Variants in EXTL1 observed in about 807,000 individuals in gnomAD.
EXTL1 encodes exostosin-like 1.
In EXTL1, 43 loss-of-function variants were observed where a neutral mutation model predicts 64.6. The ratio of observed to expected loss-of-function variants is 0.67; its 90% confidence interval spans 0.52 to 0.86. The LOEUF is 0.86. EXTL1 is among the 40% of genes least tolerant of loss of function. EXTL1 has a pLI of 0.00. For synonymous variants in EXTL1, 352 were observed against 360.5 expected (o/e 0.98, Z 0.27); for missense variants, 766 against 879.0 (o/e 0.87, Z 1.62).
At chr1:26,029,728 C>G (rs948579998) in intron 3 of EXTL1, 21 bp downstream of exon 3, 3 of 1,535,270 alleles carry the variant, frequency 2.0e-6, no homozygotes, top group Non-Finnish European at 2.7e-6. Context: ...GCCCTGCCCA[C>G]AGGGTGGGAA....
At position 26,033,679 on chromosome 1, in the gene EXTL1, C is replaced by A; in HGVS notation, c.1519-17C>A. 3 of 1,612,342 alleles carry A rather than the reference C, an allele frequency of 1.9e-6. No homozygotes were observed. The highest frequency in any genetic ancestry group is 2.5e-6 in the Non-Finnish European group (3 of 1,178,974). On this transcript the variant is annotated splice_polypyrimidine_tract_variant and intron_variant, in intron 8 of 10. Coordinates refer to ENST00000374280, the MANE Select transcript of EXTL1 (RefSeq NM_004455.3). This position sits in a 1 kb window ranked among gnomAD's most constrained non-coding sequence, Gnocchi z 5.1. The stretch of plus-strand genomic sequence containing the variant: ...TTAGGAGGTCCTTCCTCACAGCTCA[C>A]TTGAGTCCCTCCCCAGGTGGACTTT...
At position 26,035,319 on chromosome 1, in the gene EXTL1, AG is replaced by A. The variant is rs1362991604; in HGVS notation, c.2004del (p.Lys669SerfsTer94). ...AAGGACCCGGTGTCCGTGCAGCGCA[AG>A]AAGTACCGCAGCCTGGAGAAGCCCT... Reference protein sequence around the residue: ...LFKDPVSVQRKKYRSLEKP With the variant: ...LFKDPVSVQRXKYRSLEKP On this transcript the variant is annotated frameshift_variant, in exon 11 of 11. Coordinates refer to ENST00000374280, the MANE Select transcript of EXTL1 (RefSeq NM_004455.3). LOFTEE classifies it high-confidence loss of function. The surrounding 1 kb of genome is among the most constrained non-coding windows in gnomAD (Gnocchi z 5.3). 6.2e-7 allele frequency: 1 copy of A among 1,611,894 alleles called. No individual in the cohort carries two copies. Among genetic ancestry groups the A allele is most frequent in the African/African-American group, 1.3e-5 (1 of 75,000 alleles).
chr1:26,025,926 C>T lies in EXTL1; in HGVS notation c.779+2501C>T, dbSNP rs991307168. On this transcript the variant is annotated intron_variant, in intron 1 of 10. Transcript: ENST00000374280. The surrounding 1 kb of genome is among the most constrained non-coding windows in gnomAD (Gnocchi z 5.3). ...AGGGGCACAGTCAGTACCTAGGGCC[C>T]ATGATACTTTTATAGGCTCATGAAA... Among the ~76,000 whole-genome samples, 2 of 152,142 alleles carry T rather than the reference C, an allele frequency of 1.3e-5. No individual in the cohort carries two copies. Among genetic ancestry groups the T allele is most frequent in the Admixed American group, 1.3e-4 (2 of 15,270 alleles).
Position 26,032,404 on chromosome 1 carries a change from T to A in EXTL1, c.1350T>A (p.Val450=), listed in dbSNP as rs752538243. ...AACCCCCTATCCTCTAGATCTTGGT[T>A]CTCTGGAGCAATGAGAGGCCACTCC... ...AGSQHCAQIL[V]LWSNERPLPS... Residue 450 remains valine (V), a synonymous_variant, in exon 7 of 11, where the codon GTT becomes GTA. Transcript: ENST00000374280. 2 of 1,555,940 alleles carry A rather than the reference T, an allele frequency of 1.3e-6. No individual in the cohort carries two copies. The highest frequency in any genetic ancestry group is 2.4e-5 in the South Asian group (2 of 84,262).
Position 26,022,849 on chromosome 1 carries a change from CCGT to C in EXTL1, c.204_206del (p.Val69del). On this transcript the variant is annotated inframe_deletion, in exon 1 of 11. Transcript: ENST00000374280. ...CAGCCTGGAGAGCTCCCAGAAGATG[CCGT>C]TTCACCTCCTCAAGCCCCTCATGGT... is the stretch of plus-strand genomic sequence containing the variant. 6.2e-7 allele frequency: 1 copy of C among 1,613,980 alleles called. No homozygotes were observed. Among genetic ancestry groups the C allele is most frequent in the Non-Finnish European group, 8.5e-7 (1 of 1,179,938 alleles).
chr1:26,033,277 C>G lies in EXTL1; in HGVS notation c.1480C>G (p.Leu494Val). Residue 494 changes from leucine (L) to valine (V), a missense_variant, in exon 8 of 11, where the codon CTC becomes GTC. By Grantham distance (32) the Leu-to-Val change is conservative. Around this residue, in one of 3 missense-constraint regions of EXTL1, gnomAD observed 571 missense variants for 647.6 expected, o/e 0.88. Transcript: ENST00000374280. The surrounding 1 kb of genome is among the most constrained non-coding windows in gnomAD (Gnocchi z 5.1). ...PYSTIRTDAI[L>V]SLDARSSLST... ...TAGCACCATCAGAACAGATGCCATC[C>G]TCAGCCTCGATGCCCGCAGCAGTCT... 6.2e-7 allele frequency: 1 copy of G among 1,614,110 alleles called. No individual in the cohort carries two copies. Among genetic ancestry groups the G allele is most frequent in the South Asian group, 1.1e-5 (1 of 91,076 alleles).
At chr1:26,031,396 T>C (rs1365599207) in intron 5 of EXTL1, 64 bp from the exon 6 acceptor site, 10 of 1,363,748 alleles carry the variant, frequency 7.3e-6, no homozygotes, top group Non-Finnish European at 9.1e-6. Flanking sequence ...GATTCCCTAC[T>C]CAGGTCATTC....
chr1:26,034,391 G>T lies in EXTL1; in HGVS notation c.1680-445G>T, dbSNP rs1406037943. Among the ~76,000 whole-genome samples, 2 of 152,168 alleles carry T rather than the reference G, an allele frequency of 1.3e-5. No individual in the cohort carries two copies. The highest frequency in any genetic ancestry group is 4.8e-5 in the African/African-American group (2 of 41,430). ...TATAGATTACTCAGGAGCTCTGCAG[G>T]GAATTCTCAGTAGAGTGAAGAATTA... On this transcript the variant is annotated intron_variant, in intron 9 of 10. Coordinates refer to ENST00000374280, the MANE Select transcript of EXTL1 (RefSeq NM_004455.3). The surrounding 1 kb of genome is among the most constrained non-coding windows in gnomAD (Gnocchi z 4.6).
chr1:26,035,591 T>G lies in EXTL1; in HGVS notation c.*244T>G. 2.3e-6 allele frequency: 1 copy of G among 442,872 alleles called. No homozygotes were observed. Among genetic ancestry groups the G allele is most frequent in the Non-Finnish European group, 4.0e-6 (1 of 248,392 alleles). The allele number at this position is 442,872 out of a possible 1,614,324, so 27.4% of individuals were successfully genotyped here. A position where few individuals can be genotyped will look rare whatever the true frequency, so the allele number is the denominator to read the frequency against. ...CGACCGGAGCGCCGCTCTCCGCTTC[T>G]CCACCCAGCTAACTTCTGCTCGTCT... is the stretch of plus-strand genomic sequence containing the variant. On this transcript the variant is annotated 3_prime_UTR_variant, in exon 11 of 11. Coordinates refer to ENST00000374280, the MANE Select transcript of EXTL1 (RefSeq NM_004455.3). The surrounding 1 kb of genome is among the most constrained non-coding windows in gnomAD (Gnocchi z 5.3).
At chr1:26,030,671 C>CCA (rs1429104810) in intron 4 of EXTL1, 76 bp downstream of exon 4, 1 of 1,489,350 alleles carries the variant, frequency 6.7e-7, no homozygotes, top group Non-Finnish European at 9.0e-7. Context: ...TACTTCTCTG[C>CCA]CACAGTGTTT....
chr1:26,028,971 G>T (rs1363990383), intron 1 of EXTL1, among the ~76,000 whole-genome samples: 1 of 152,222 alleles, frequency 6.6e-6, no homozygotes, highest in Non-Finnish European at 1.5e-5. Flanking sequence ...AGAATGCAGG[G>T]CTCCTGCCTC....
rs752183073 is a variant in EXTL1, at chr1:26,031,443, G to A, written c.1235-17G>A. The A allele has an allele frequency of 4.0e-6, 6 of 1,499,702 alleles. No homozygotes were observed. The highest frequency in any genetic ancestry group is 2.0e-5 in the Admixed American group (1 of 50,184). The allele number at this position is 1,499,702 out of a possible 1,614,324, so 92.9% of individuals were successfully genotyped here. ...CTGTTCCCTCCCACTCTAATAGCCT[G>A]TGTCTCATTCCCCCAGGCTCCCGCC... On this transcript the variant is annotated splice_polypyrimidine_tract_variant and intron_variant, in intron 5 of 10. Transcript: ENST00000374280.
intron 4 of EXTL1, 110 bp from the exon 5 acceptor site, chr1:26,031,022 G>A: frequency 1.4e-6 from 2 of 1,383,036 alleles, no homozygotes; most frequent in Non-Finnish European, 2.0e-6. Context: ...CTCAGCTTCT[G>A]ACCCCAGGGG....
chr1:26,027,289 G>A (rs527334059), intron 1 of EXTL1, among the ~76,000 whole-genome samples: 1 of 152,282 alleles, frequency 6.6e-6, no homozygotes, highest in South Asian at 2.1e-4. Context: ...AGAGCTGTGT[G>A]ACCTCTTTGG....
rs1455092503 is a variant in EXTL1, at chr1:26,022,768, G to T, written c.122G>T (p.Gly41Val). Residue 41 changes from glycine to valine, a missense_variant, in exon 1 of 11, where the codon GGG becomes GTG. Physicochemically the swap from Gly to Val is moderately radical, Grantham distance 109. Coordinates refer to ENST00000374280, the MANE Select transcript of EXTL1 (RefSeq NM_004455.3). ...GCATTGCCTCCCAGACCTCGGCCCG[G>T]GGCTTCCCAAGGCTGGCCCCGCTGG... ...RLALPPRPRPGASQGWPRWLD... is the reference protein window; with the variant it reads ...RLALPPRPRPVASQGWPRWLD... 1 of 1,613,930 alleles carries T rather than the reference G, an allele frequency of 6.2e-7. No individual in the cohort carries two copies. Among genetic ancestry groups the T allele is most frequent in the African/African-American group, 1.3e-5 (1 of 74,888 alleles).
At chr1:26,032,072 G>T in intron 6 of EXTL1, 1 of 284,830 alleles carries the variant, frequency 3.5e-6, no homozygotes. Flanking sequence ...AAGAGCCTGA[G>T]GAAGAGAATG....
At chr1:26,024,851 A>G (rs1405476874) in intron 1 of EXTL1, among the ~76,000 whole-genome samples, 2 of 152,168 alleles carry the variant, frequency 1.3e-5, no homozygotes, top group African/African-American at 4.8e-5. Flanking sequence ...AGCACAGTTC[A>G]TTATTGATGA....
Position 26,033,261 on chromosome 1 carries a change from C to A in EXTL1, c.1464C>A (p.Ile488=). The A allele has an allele frequency of 6.2e-7, 1 of 1,614,062 alleles. No individual in the cohort carries two copies. Among genetic ancestry groups the A allele is most frequent in the Non-Finnish European group, 8.5e-7 (1 of 1,179,946 alleles). Residue 488 remains isoleucine, a synonymous_variant, in exon 8 of 11, where the codon ATC becomes ATA. Transcript: ENST00000374280. The surrounding 1 kb of genome is among the most constrained non-coding windows in gnomAD (Gnocchi z 5.1). ...VSDRFYPYST[I]RTDAILSLDA... is the part of the protein sequence containing the mutation. The stretch of plus-strand genomic sequence containing the variant: ...ATCGCTTCTACCCATATAGCACCAT[C>A]AGAACAGATGCCATCCTCAGCCTCG...
intron 1 of EXTL1, among the ~76,000 whole-genome samples, chr1:26,026,618 G>A (rs1358446348): frequency 2.6e-5 from 4 of 152,134 alleles, no homozygotes; most frequent in African/African-American, 7.2e-5. Flanking sequence ...ATATAATATT[G>A]CTTGTTTTTA....
Sources: gnomAD v4.1 joint callset for allele counts (sites outside exome capture counted in the v4.1 genomes callset) on GRCh38, gnomAD v4.1.1 for gene constraint, gnomAD v4.1.1 regional missense constraint, Gnocchi (gnomAD v3.1) non-coding constraint, MANE v1.5 for transcripts, NCBI Gene and HGNC (gene_info 2026-07-23, HGNC 2026-07-21) for gene names.